The following DNAH5 variants were observed in gnomAD, a reference collection of about 807,000 sequenced individuals.
DNAH5 encodes axonemal beta dynein heavy chain 5.
In DNAH5, 372 loss-of-function variants were observed where a neutral mutation model predicts 518.2. The ratio of observed to expected loss-of-function variants is 0.72; its 90% CI spans 0.66 to 0.78. The LOEUF (loss-of-function observed/expected upper bound fraction) is 0.78, where lower values mean the gene tolerates loss of function less well. DNAH5 is among the 30% of genes least tolerant of loss of function. The pLI is 0.00. For missense variants in DNAH5, 5,523 were observed against 5,687.0 expected (o/e 0.97, Z 0.93); for synonymous variants, 2,039 against 2,025.9 (o/e 1.01, Z -0.17).
chr5:13,729,569 T>A lies in DNAH5; in HGVS notation c.11762-9A>T. 6.2e-7 allele frequency: 1 copy of A among 1,603,304 alleles called. No individual in the cohort carries two copies. Among genetic ancestry groups the A allele is most frequent in the Non-Finnish European group, 8.5e-7 (1 of 1,173,100 alleles). ...GTCTAATGAGGCACCTCCTTTAAAA[T>A]TAAATATTAAATTATCAGATTTCCC... On this transcript the variant is annotated splice_polypyrimidine_tract_variant and intron_variant, in intron 68 of 78. Coordinates refer to ENST00000265104, the MANE Select transcript of DNAH5 (RefSeq NM_001369.3).
At position 13,960,774 on chromosome 5, in the gene DNAH5, G is replaced by A. The variant is rs540249933; in HGVS notation, c.13-29530C>T. Among the ~76,000 whole-genome samples the A allele has an allele frequency of 3.0e-4, 45 of 152,296 alleles. 1 individual carries two copies. The South Asian group carries it at 9.3e-3, about 32-fold the overall frequency. On this transcript the variant is annotated intron_variant, in intron 1 of 78. Transcript: ENST00000681290. ...CTCCCACACCCACCCTCTCCCCGTG[G>A]CTACTCCACACGCACCATGCCTCAC...
intron 1 of DNAH5, among the ~76,000 whole-genome samples, chr5:13,999,313 A>G (rs1227538844): frequency 1.3e-5 from 2 of 152,242 alleles, no homozygotes; most frequent in Non-Finnish European, 2.9e-5. Context: ...GGGCTTACTC[A>G]TCCTGTTTAA....
chr5:13,779,330 C>T (rs1219095920), intron 53 of DNAH5, among the ~76,000 whole-genome samples: 1 of 152,130 alleles, frequency 6.6e-6, no homozygotes, highest in Non-Finnish European at 1.5e-5. Flanking sequence ...ATTTATTCTC[C>T]AAGAAGAACC....
intron 39 of DNAH5, 101 bp from the exon 40 acceptor site, chr5:13,823,471 G>T: frequency 1.3e-6 from 1 of 772,022 alleles, no homozygotes; most frequent in Non-Finnish European, 2.3e-6. Flanking sequence ...TTATTGCAAT[G>T]TAACCACTAA....
chr5:13,992,743 T>A (rs1208449837), intron 1 of DNAH5, among the ~76,000 whole-genome samples: 1 of 152,128 alleles, frequency 6.6e-6, no homozygotes, highest in Admixed American at 6.5e-5. Context: ...TAAAAGGAGA[T>A]CAAAAAGGTA....
At chr5:13,935,312 T>A (rs1264607457) in intron 1 of DNAH5, among the ~76,000 whole-genome samples, 2 of 152,128 alleles carry the variant, frequency 1.3e-5, no homozygotes, top group Non-Finnish European at 2.9e-5. Flanking sequence ...GAAAAAAACA[T>A]CCTAATGAAA....
chr5:13,902,216 A>G, intron 12 of DNAH5, 78 bp from the exon 13 acceptor site: 1 of 1,073,212 alleles, frequency 9.3e-7, no homozygotes, highest in Non-Finnish European at 1.4e-6. Flanking sequence ...AGAGCTTTCC[A>G]TTCTGTGCAA....
At chr5:13,720,653 G>T (rs1181669711) in intron 71 of DNAH5, among the ~76,000 whole-genome samples, 1 of 152,120 alleles carries the variant, frequency 6.6e-6, no homozygotes, top group Non-Finnish European at 1.5e-5. Flanking sequence ...GATTACAGTT[G>T]TGAGGCATTG....
At chr5:13,703,065 C>A (rs913077445) in intron 76 of DNAH5, among the ~76,000 whole-genome samples, 1 of 152,118 alleles carries the variant, frequency 6.6e-6, no homozygotes, top group Admixed American at 6.5e-5. Context: ...ATCTTTAGTG[C>A]CATGATCAGA....
chr5:13,890,851 A>T, intron 17 of DNAH5, 125 bp downstream of exon 17: 7 of 1,040,104 alleles, frequency 6.7e-6, no homozygotes, highest in Non-Finnish European at 1.0e-5. Context: ...CCATGTCTGA[A>T]TCACTTCTAT....
intron 78 of DNAH5, among the ~76,000 whole-genome samples, chr5:13,700,116 G>A (rs559616610): frequency 1.1e-4 from 17 of 152,302 alleles, no homozygotes; most frequent in African/African-American, 4.1e-4. Context: ...TAAACCAAAT[G>A]CCTCTGAATT....
intron 9 of DNAH5, among the ~76,000 whole-genome samples, chr5:13,915,757 C>A (rs1389832143): frequency 6.6e-6 from 1 of 152,076 alleles, no homozygotes; most frequent in Non-Finnish European, 1.5e-5. Flanking sequence ...ATGAAAAAGT[C>A]ATTTACTTCT....
chr5:13,808,997 G>A, intron 46 of DNAH5, 47 bp downstream of exon 46: 1 of 1,601,958 alleles, frequency 6.2e-7, no homozygotes, highest in Non-Finnish European at 8.6e-7. Flanking sequence ...GATGCTTCAT[G>A]TCTCCCCTTA....
intron 24 of DNAH5, 74 bp from the exon 25 acceptor site, chr5:13,868,066 A>T (rs973150176): frequency 8.9e-7 from 1 of 1,127,196 alleles, no homozygotes; most frequent in African/African-American, 1.5e-5. Flanking sequence ...TTATTAAATG[A>T]TAAGAATGGA....
At chr5:13,920,758 C>A in intron 5 of DNAH5, 141 bp from the exon 6 acceptor site, 1 of 826,870 alleles carries the variant, frequency 1.2e-6, no homozygotes, top group Non-Finnish European at 2.0e-6. Context: ...TCCACTCCCA[C>A]GTGCCTTTGT....
At chr5:13,810,619 T>TGGCG (rs1329174971) in intron 44 of DNAH5, 1 of 175,904 alleles carries the variant, frequency 5.7e-6, no homozygotes, top group Non-Finnish European at 1.2e-5. Flanking sequence ...CCGAGGGTGG[T>TGGCG]GGCGGGCGCC....
At chr5:13,720,728 AT>A (rs1416489621) in intron 71 of DNAH5, among the ~76,000 whole-genome samples, 3 of 151,874 alleles carry the variant, frequency 2.0e-5, no homozygotes, top group African/African-American at 7.3e-5. Context: ...ACAGAATCCC[AT>A]TTCTTTGGGA....
At chr5:13,712,805 C>T (rs1267104937) in intron 75 of DNAH5, among the ~76,000 whole-genome samples, 3 of 151,834 alleles carry the variant, frequency 2.0e-5, no homozygotes, top group African/African-American at 4.8e-5. Context: ...TGGCCATAAT[C>T]GAAAAATCAA....
In DNAH5 at chr5:13,729,492, GCCATGTTATGTCCAGGAT is replaced by G; in HGVS notation, c.11812_11829del (p.Ile3938_Trp3943del). The G allele has an allele frequency of 1.9e-6, 3 of 1,614,022 alleles. No individual in the cohort carries two copies. Among genetic ancestry groups the G allele is most frequent in the Non-Finnish European group, 2.5e-6 (3 of 1,179,914 alleles). ...AGTTTGCTAAGTTCCACCAAATTCA[GCCATGTTATGTCCAGGAT>G]CCATTTTGATGGTTTTGGAGGACAA... is the stretch of plus-strand genomic sequence containing the variant. On this transcript the variant is annotated inframe_deletion, in exon 69 of 79. Transcript: ENST00000265104.
Sources: gnomAD v4.1 joint callset for allele counts (sites outside exome capture counted in the v4.1 genomes callset) on GRCh38, gnomAD v4.1.1 for gene constraint, MANE v1.5 for transcripts, NCBI Gene and HGNC (gene_info 2026-07-23, HGNC 2026-07-21) for gene names.